Variants in TF observed in about 807,000 individuals in gnomAD.
TF encodes the protein serotransferrin.
TF carries 55 observed loss-of-function variants against 82.4 expected under a neutral mutation model. The ratio of observed to expected loss-of-function variants is 0.67; its 90% confidence interval spans 0.54 to 0.84. TF has a LOEUF of 0.84. Among genes scored for constraint, TF ranks in the 40% least tolerant of loss-of-function variants. The pLI is 0.00. For synonymous variants in TF, 332 were observed against 332.6 expected, an observed-to-expected ratio of 1.00 and a Z score of 0.02; for missense variants, 737 against 868.4, an observed-to-expected ratio of 0.85 and a Z score of 1.90.
chr3:133,748,653 C>A, intron 2 of TF, 69 bp downstream of exon 2: 2 of 1,568,822 alleles, frequency 1.3e-6, no homozygotes, highest in Non-Finnish European at 1.7e-6. Context: ...CACTTTGGAA[C>A]AATTCTTTAC....
chr3:133,719,797 T>C, the TF span, among the ~76,000 whole-genome samples: 1 of 152,208 alleles, frequency 6.6e-6, no homozygotes, highest in Non-Finnish European at 1.5e-5. Context: ...ATCACAGTTT[T>C]ATAGTTTTTA....
chr3:133,723,637 T>TTTATTATGA, the TF span, among the ~76,000 whole-genome samples: 1 of 143,584 alleles, frequency 7.0e-6, no homozygotes, highest in Non-Finnish European at 1.5e-5. Context: ...GTTTGGTTCT[T>TTTATTATGA]TTATTATTAT....
chr3:133,734,017 TAGTG>T, the TF span, among the ~76,000 whole-genome samples: 5 of 151,968 alleles, frequency 3.3e-5, no homozygotes, highest in African/African-American at 9.7e-5. Flanking sequence ...GAGCTGAAAA[TAGTG>T]AGCACACTGG....
At chr3:133,776,279 G>C (rs575348784) in intron 15 of TF, among the ~76,000 whole-genome samples, 1 of 152,260 alleles carries the variant, frequency 6.6e-6, no homozygotes, top group African/African-American at 2.4e-5. Flanking sequence ...CAGGACCCTT[G>C]CCCTCGGAGA....
chr3:133,669,999 A>G, the TF span, among the ~76,000 whole-genome samples: 1 of 152,220 alleles, frequency 6.6e-6, no homozygotes, highest in Non-Finnish European at 1.5e-5. Flanking sequence ...CTGAACTTGG[A>G]AACAGTTTAA....
At chr3:133,729,723 A>C in the TF span, among the ~76,000 whole-genome samples, 2 of 152,158 alleles carry the variant, frequency 1.3e-5, no homozygotes, top group African/African-American at 4.8e-5. Flanking sequence ...CCTCAGATGG[A>C]AATGCAGAAA....
chr3:133,678,576 C>T, the TF span, among the ~76,000 whole-genome samples: 5,493 of 152,252 alleles, frequency 0.036, 337 homozygotes, highest in African/African-American at 0.13. Context: ...GGTGGTATCT[C>T]GTTGTGGTTT....
At chr3:133,663,602 C>T in the TF span, among the ~76,000 whole-genome samples, 1 of 152,096 alleles carries the variant, frequency 6.6e-6, no homozygotes, top group Non-Finnish European at 1.5e-5. Context: ...ACACTATTCC[C>T]GTTTACTCTT....
At position 133,785,306 on chromosome 3, in the gene TF, T is replaced by G. The variant is rs1183350715; in HGVS notation, c.*6686T>G. The G allele has an allele frequency of 2.4e-3, 144 of 60,274 alleles. No individual in the cohort carries two copies. The highest frequency in any genetic ancestry group is 2.6e-3 in the Non-Finnish European group (81 of 31,064). The allele number at this position is 60,274 out of a possible 1,614,324, so 3.7% of individuals were successfully genotyped here. A position where few individuals can be genotyped will look rare whatever the true frequency, so the allele number is the denominator to read the frequency against. On this transcript the variant is annotated 3_prime_UTR_variant, in exon 17 of 17. Transcript: ENST00000402696. ...CCCGTCCGGGAGGGAGGTGGGGGGG[T>G]CGGCCCCCCGCCCGACCAGCCGCCC... is the stretch of plus-strand genomic sequence containing the variant.
At chr3:133,676,952 T>C in the TF span, among the ~76,000 whole-genome samples, 2 of 152,216 alleles carry the variant, frequency 1.3e-5, no homozygotes, top group Non-Finnish European at 2.9e-5. Context: ...GAGTCTGGGA[T>C]ACGCTTTCTT....
chr3:133,755,692 C>G (rs1234422361), intron 5 of TF, 197 bp downstream of exon 5: 2 of 681,080 alleles, frequency 2.9e-6, no homozygotes, highest in Admixed American at 2.5e-5. Flanking sequence ...CTGACCCTGA[C>G]AAGTAGGTCC....
At chr3:133,754,789 G>T (rs1933778388) in intron 4 of TF, 118 bp downstream of exon 4, 1 of 1,161,884 alleles carries the variant, frequency 8.6e-7, no homozygotes, top group South Asian at 1.2e-5. Flanking sequence ...GTGGGGGAAA[G>T]AGGTTAACAG....
chr3:133,686,732 T>G, the TF span, among the ~76,000 whole-genome samples: 3 of 152,270 alleles, frequency 2.0e-5, no homozygotes, highest in East Asian at 5.8e-4. Context: ...AAAATAGGAA[T>G]GCTTTTACAC....
the TF span, among the ~76,000 whole-genome samples, chr3:133,715,398 C>T: frequency 6.6e-6 from 1 of 152,202 alleles, no homozygotes; most frequent in Non-Finnish European, 1.5e-5. Flanking sequence ...GGTGAACTGG[C>T]TGTCTCCTCG....
In TF at chr3:133,796,241, G is replaced by A. The variant is rs955920289; in HGVS notation, c.*17621G>A. 2.0e-5 allele frequency: 3 copies of A among 152,938 alleles called. No homozygotes were observed. The Admixed American group carries it at 2.0e-4, about 10-fold the overall frequency. 9.5% of individuals were successfully genotyped at this position (152,938 alleles called of 1,614,324 possible). ...CCCTGCCTTCACTAGAAAGAGCAGA[G>A]CAGGACTTCTGTGATCCTCAATAGG... On this transcript the variant is annotated 3_prime_UTR_variant, in exon 17 of 17. Transcript: ENST00000402696.
At chr3:133,758,009 C>T in intron 8 of TF, 63 bp downstream of exon 8, 1 of 1,537,470 alleles carries the variant, frequency 6.5e-7, no homozygotes, top group Non-Finnish European at 9.0e-7. Context: ...GCACAGGGGC[C>T]AGAGATTGAG....
chr3:133,762,726 G>A (rs1208854494), intron 9 of TF, among the ~76,000 whole-genome samples: 1 of 152,116 alleles, frequency 6.6e-6, no homozygotes, highest in Non-Finnish European at 1.5e-5. Context: ...ATTGGTTTGA[G>A]CCCTGACCCA....
chr3:133,761,140 A>G (rs1263444296), intron 9 of TF: 1 of 191,486 alleles, frequency 5.2e-6, no homozygotes, highest in Non-Finnish European at 1.1e-5. Context: ...CATGTTCATG[A>G]GTAGACACAC....
rs1934943934 is a variant in TF at position 133,795,506 on chromosome 3, C to T, written c.*16886C>T. ...AAAGTGTTGGTAACTGAGAGTGGTG[C>T]TAAGTAAGGCCCTAAGTTTTGGTCA... On this transcript the variant is annotated 3_prime_UTR_variant, in exon 17 of 17. Transcript: ENST00000402696. 1.3e-5 allele frequency: 2 copies of T among 150,818 alleles called. No individual in the cohort carries two copies. Among genetic ancestry groups the T allele is most frequent in the South Asian group, 4.2e-4 (2 of 4,778 alleles). 9.3% of individuals were successfully genotyped at this position (150,818 alleles called of 1,614,324 possible). A position where few individuals can be genotyped will look rare whatever the true frequency, so the allele number is the denominator to read the frequency against.
Sources: allele counts gnomAD v4.1 joint callset (sites outside exome capture counted in the v4.1 genomes callset), GRCh38; gene constraint gnomAD v4.1.1; transcripts MANE v1.5; gene names NCBI Gene and HGNC (gene_info 2026-07-23, HGNC 2026-07-21).